SSX2IP: variants seen among roughly 807,000 people sequenced by gnomAD.
SSX2IP encodes afadin- and alpha-actinin-binding protein.
SSX2IP carries 55 observed loss-of-function variants against 84.9 expected under a neutral mutation model. The observed-to-expected ratio is 0.65, with a 90% confidence interval of 0.52 to 0.81. The LOEUF (loss-of-function observed/expected upper bound fraction) is 0.81. Among genes scored for constraint, SSX2IP ranks in the 30% least tolerant of loss-of-function variants. The pLI, the probability that SSX2IP is intolerant of heterozygous loss-of-function variation, is 0.00. For synonymous variants in SSX2IP, 239 were observed against 234.7 expected, an observed-to-expected ratio of 1.02 and a Z score of -0.17; for missense variants, 664 against 705.2, an observed-to-expected ratio of 0.94 and a Z score of 0.66.
chr1:84,677,737 G>A (rs76622687), intron 1 of SSX2IP, among the ~76,000 whole-genome samples: 1 of 152,192 alleles, frequency 6.6e-6, no homozygotes, highest in Non-Finnish European at 1.5e-5. Context: ...CTCTATGAGA[G>A]GTCCGTGTGG....
At chr1:84,659,743 A>AGCTGAGAT (rs1199779910) in intron 8 of SSX2IP, among the ~76,000 whole-genome samples, 3 of 150,930 alleles carry the variant, frequency 2.0e-5, no homozygotes, top group Admixed American at 6.6e-5. Flanking sequence ...GGTTGCAGTG[A>AGCTGAGAT]GCTGAGATGT....
chr1:84,669,112 G>C (rs1007055894), intron 4 of SSX2IP, among the ~76,000 whole-genome samples: 10 of 151,338 alleles, frequency 6.6e-5, no homozygotes, highest in African/African-American at 2.2e-4. Context: ...ATAGAAACCA[G>C]CATCAAATAT....
chr1:84,678,824 C>CT (rs1219418071), intron 1 of SSX2IP, among the ~76,000 whole-genome samples: 1 of 152,196 alleles, frequency 6.6e-6, no homozygotes, highest in East Asian at 1.9e-4. Context: ...AAGTACAGTA[C>CT]TTTAAGTGTT....
At chr1:84,655,201 AT>A in intron 11 of SSX2IP, 1 of 438,200 alleles carries the variant, frequency 2.3e-6, no homozygotes, top group Non-Finnish European at 3.1e-6. Context: ...TCCTAGAAGA[AT>A]TTCCAACAGA....
chr1:84,669,348 C>A (rs1320533705), intron 4 of SSX2IP, among the ~76,000 whole-genome samples: 1 of 152,122 alleles, frequency 6.6e-6, no homozygotes, highest in Non-Finnish European at 1.5e-5. Flanking sequence ...CAGCCTCTTA[C>A]AATAAGACTT....
intron 13 of SSX2IP, among the ~76,000 whole-genome samples, chr1:84,648,258 G>A (rs1649730184): frequency 6.6e-6 from 1 of 152,134 alleles, no homozygotes; most frequent in African/African-American, 2.4e-5. Context: ...AGGCTGCACA[G>A]CTTCTCTATT....
intron 1 of SSX2IP, among the ~76,000 whole-genome samples, chr1:84,689,397 C>T (rs1191485672): frequency 6.6e-6 from 1 of 152,194 alleles, no homozygotes; most frequent in Non-Finnish European, 1.5e-5. Flanking sequence ...TAACTCTACA[C>T]CTTGACTCTA....
chr1:84,674,847 A>G (rs1178775117), intron 1 of SSX2IP, among the ~76,000 whole-genome samples: 2 of 152,194 alleles, frequency 1.3e-5, no homozygotes, highest in Non-Finnish European at 2.9e-5. Flanking sequence ...TCAATGATGT[A>G]CCAATTACAT....
intron 1 of SSX2IP, among the ~76,000 whole-genome samples, chr1:84,678,292 G>C (rs1654645030): frequency 6.6e-5 from 10 of 152,188 alleles, no homozygotes. Flanking sequence ...CTCAGTAAAT[G>C]TTTACAATAT....
chr1:84,647,719 C>G, intron 13 of SSX2IP, 112 bp from the exon 14 acceptor site: 1 of 740,416 alleles, frequency 1.4e-6, no homozygotes, highest in Non-Finnish European at 1.9e-6. Flanking sequence ...TTCTAAAAAT[C>G]TAGGCCAAAA....
intron 1 of SSX2IP, among the ~76,000 whole-genome samples, chr1:84,678,204 C>T (rs1374021898): frequency 2.0e-5 from 3 of 152,040 alleles, no homozygotes; most frequent in Admixed American, 6.6e-5. Context: ...AGATGTCTTC[C>T]CGACTAGTTT....
chr1:84,658,527 C>T, intron 8 of SSX2IP, 59 bp from the exon 9 acceptor site: 1 of 1,538,750 alleles, frequency 6.5e-7, no homozygotes, highest in African/African-American at 1.4e-5. Flanking sequence ...TTTAGATGCT[C>T]AGGCAAGTAG....
intron 1 of SSX2IP, among the ~76,000 whole-genome samples, chr1:84,678,200 C>T (rs550898786): frequency 3.3e-5 from 5 of 152,226 alleles, no homozygotes; most frequent in Admixed American, 3.3e-4. Context: ...GGTTAGATGT[C>T]TTCCCGACTA....
intron 1 of SSX2IP, among the ~76,000 whole-genome samples, chr1:84,679,532 G>A (rs1654797009): frequency 6.6e-6 from 1 of 152,200 alleles, no homozygotes; most frequent in African/African-American, 2.4e-5. Flanking sequence ...TAGTTGGAAA[G>A]TACAGTGCAA....
intron 1 of SSX2IP, among the ~76,000 whole-genome samples, chr1:84,677,942 A>G (rs957683664): frequency 6.6e-6 from 1 of 152,196 alleles, no homozygotes; most frequent in Non-Finnish European, 1.5e-5. Context: ...ATCTGTTCTA[A>G]GCTGGCTGTT....
At chr1:84,679,955 C>A (rs1008156634) in intron 1 of SSX2IP, among the ~76,000 whole-genome samples, 3 of 152,154 alleles carry the variant, frequency 2.0e-5, no homozygotes, top group Non-Finnish European at 4.4e-5. Context: ...ATTCTCTTAA[C>A]CATCACATAT....
chr1:84,651,576 A>C (rs1650255399), intron 12 of SSX2IP, among the ~76,000 whole-genome samples: 1 of 152,006 alleles, frequency 6.6e-6, no homozygotes. Flanking sequence ...AAAAATACAA[A>C]AATTAGCCAG....
chr1:84,647,748 CTT>C, intron 13 of SSX2IP, 141 bp from the exon 14 acceptor site: 1 of 383,336 alleles, frequency 2.6e-6, no homozygotes, highest in Non-Finnish European at 3.9e-6. Flanking sequence ...TAAAATTTTA[CTT>C]GGAAAAAAAA....
In SSX2IP at chr1:84,658,388, C is replaced by T. The variant is rs1651435622; in HGVS notation, c.1008G>A (p.Glu336=). ...MWDLSCETVR[E]QLTNSIRKQW... ...GTTTTCTGATGCTGTTTGTAAGCTGCTCTCTCACAGTTTCACAGGAAAGGT... is the reference window on the plus strand; with the variant it reads ...GTTTTCTGATGCTGTTTGTAAGCTGTTCTCTCACAGTTTCACAGGAAAGGT... The change falls in exon 9 of 14, where the codon GAG becomes GAA. Residue 336 remains glutamate, a synonymous_variant. Coordinates refer to ENST00000342203, the MANE Select transcript of SSX2IP (RefSeq NM_001166293.2). 2.5e-6 allele frequency: 4 copies of T among 1,614,122 alleles called. No homozygotes were observed. In the African/African-American group the frequency reaches 4.0e-5, roughly 16 times the overall value.
Sources: allele counts gnomAD v4.1 joint callset (sites outside exome capture counted in the v4.1 genomes callset), GRCh38; gene constraint gnomAD v4.1.1; transcripts MANE v1.5; gene names NCBI Gene and HGNC (gene_info 2026-07-23, HGNC 2026-07-21).